The following LAMA4 variants were observed in gnomAD, a reference collection of about 807,000 sequenced individuals.
LAMA4 encodes laminin subunit alpha 4, also known as laminin subunit alpha-4.
In LAMA4, 127 loss-of-function variants were observed where a neutral mutation model predicts 207.1. That is an observed-to-expected ratio of 0.61 (90% CI 0.53 to 0.71). The LOEUF is 0.71. Among genes scored for constraint, LAMA4 ranks in the 30% least tolerant of loss-of-function variants. LAMA4 has a pLI of 0.00. For missense variants in LAMA4, 2,093 were observed against 2,246.5 expected, an observed-to-expected ratio of 0.93 and a Z score of 1.38; for synonymous variants, 761 against 816.0, an observed-to-expected ratio of 0.93 and a Z score of 1.15.
chr6:112,113,608 T>C (rs1433791867), intron 38 of LAMA4, among the ~76,000 whole-genome samples: 1 of 152,222 alleles, frequency 6.6e-6, no homozygotes, highest in African/African-American at 2.4e-5. Flanking sequence ...GGAATGTCAC[T>C]ACCAATGGAC....
Position 112,187,500 on chromosome 6 carries a change from C to T in LAMA4, c.916G>A (p.Ala306Thr), listed in dbSNP as rs782180044. 15 of 1,613,956 alleles carry T rather than the reference C, an allele frequency of 9.3e-6. No homozygotes were observed. The highest frequency in any genetic ancestry group is 7.7e-5 in the South Asian group (7 of 91,070). The change falls in exon 8 of 39, where the codon GCC becomes ACC. Residue 306 changes from alanine to threonine, a missense_variant. Ala to Thr is a moderately conservative substitution (Grantham distance 58, BLOSUM62 0). Around this residue, in one of 3 missense-constraint regions of LAMA4, gnomAD observed 1,704 missense variants for 1,788.4 expected, o/e 0.95. Coordinates refer to ENST00000230538, the MANE Select transcript of LAMA4 (RefSeq NM_001105206.3). ...ATTTCATTCACGTGCCTATGAGCGG[C>T]GGCCCCAGAGGATACGCTCAGCACC... ...SGVLSVSSGA[A>T]AHRHVNEINA...
At position 112,254,239 on chromosome 6, in the gene LAMA4, T is replaced by G; in HGVS notation, c.-89A>C. The G allele has an allele frequency of 6.5e-7, 1 of 1,535,826 alleles. No homozygotes were observed. Among genetic ancestry groups the G allele is most frequent in the South Asian group, 1.2e-5 (1 of 86,292 alleles). ...CCGCGTGGTGCGGCGGTGCCTCGCTTATTTTCCCTCCTCTCCGTGTGCAGT... is the reference window on the plus strand; with the variant it reads ...CCGCGTGGTGCGGCGGTGCCTCGCTGATTTTCCCTCCTCTCCGTGTGCAGT... On this transcript the variant is annotated 5_prime_UTR_variant, in exon 2 of 39. Coordinates refer to ENST00000230538, the MANE Select transcript of LAMA4 (RefSeq NM_001105206.3).
intron 20 of LAMA4, 145 bp from the exon 21 acceptor site, chr6:112,141,648 A>T (rs1425769472): frequency 1.4e-6 from 1 of 694,402 alleles, no homozygotes; most frequent in East Asian, 2.7e-5. Flanking sequence ...TCCTGTGAGC[A>T]GGCAGTGTCT....
intron 13 of LAMA4, among the ~76,000 whole-genome samples, chr6:112,164,696 T>C (rs1403204374): frequency 6.6e-6 from 1 of 152,206 alleles, no homozygotes; most frequent in Non-Finnish European, 1.5e-5. Context: ...TATTGGAAAT[T>C]TTCTACTTTT....
At chr6:112,211,404 C>G (rs1554356578) in intron 3 of LAMA4, among the ~76,000 whole-genome samples, 2 of 152,124 alleles carry the variant, frequency 1.3e-5, no homozygotes, top group African/African-American at 4.8e-5. Flanking sequence ...TTTAGGGTAG[C>G]TTGTTATTTT....
rs1787684454 is a variant in LAMA4, at chr6:112,254,112, C to A, written c.39G>T (p.Leu13=). The part of the protein sequence containing the change: ...LSSAWRSVLP[L]WLLWSAACSR... ...AGCAGGCAGCGCTCCAGAGGAGCCA[C>A]AGAGGCAGAACCGAGCGCCAGGCTG... The change falls in exon 2 of 39, where the codon CTG becomes CTT. Residue 13 remains leucine, a synonymous_variant. Coordinates refer to ENST00000230538, the MANE Select transcript of LAMA4 (RefSeq NM_001105206.3). 1.2e-6 allele frequency: 2 copies of A among 1,612,946 alleles called. No homozygotes were observed. The highest frequency in any genetic ancestry group is 1.3e-5 in the African/African-American group (1 of 75,070).
intron 26 of LAMA4, among the ~76,000 whole-genome samples, 191 bp downstream of exon 26, chr6:112,134,276 C>T (rs1779205733): frequency 1.3e-5 from 2 of 152,136 alleles, no homozygotes; most frequent in South Asian, 2.1e-4. Context: ...TACATCTATG[C>T]GATGCTAATT....
At chr6:112,134,668 G>A (rs1199067504) in intron 25 of LAMA4, 59 bp from the exon 26 acceptor site, 1 of 1,342,952 alleles carries the variant, frequency 7.4e-7, no homozygotes, top group South Asian at 1.2e-5. Context: ...GTTCTTTGAT[G>A]ACTTCTATAT....
At chr6:112,213,246 C>T (rs1554357368) in intron 3 of LAMA4, among the ~76,000 whole-genome samples, 1 of 152,194 alleles carries the variant, frequency 6.6e-6, no homozygotes, top group South Asian at 2.1e-4. Context: ...TGGTAACTAA[C>T]CTTAGTTAGA....
chr6:112,119,196 A>G lies in LAMA4; in HGVS notation c.4781T>C (p.Leu1594Ser), dbSNP rs782251675. Residue 1594 changes from leucine (L) to serine (S), a missense_variant, in exon 34 of 39, where the codon TTG becomes TCG. Physicochemically the swap from Leu to Ser is moderately radical, Grantham distance 145. This residue lies in a region of LAMA4 where 383 missense variants were observed against 437.8 expected (regional missense o/e 0.87). Coordinates refer to ENST00000230538, the MANE Select transcript of LAMA4 (RefSeq NM_001105206.3). ...AGCCTTTCCAGGAGCCACACCTCCC[A>G]AATAAATGGGACCCTTGATTTTCCA... ...ATWKIKGPIY[L>S]GGVAPGKAVK... 19 of 1,613,944 alleles carry G rather than the reference A, an allele frequency of 1.2e-5. No individual in the cohort carries two copies. Among genetic ancestry groups the G allele is most frequent in the Non-Finnish European group, 1.5e-5 (18 of 1,179,944 alleles).
At chr6:112,155,843 G>C in intron 14 of LAMA4, 137 bp from the exon 15 acceptor site, 1 of 1,024,370 alleles carries the variant, frequency 9.8e-7, no homozygotes, top group Non-Finnish European at 1.5e-6. Context: ...AGTGTGGCAA[G>C]GTTTTCTTGA....
intron 2 of LAMA4, chr6:112,216,685 T>C: frequency 1.8e-6 from 1 of 545,188 alleles, no homozygotes; most frequent in Admixed American, 2.9e-5. Context: ...ACATAACTTT[T>C]TCCCTCCTTT....
intron 21 of LAMA4, 88 bp downstream of exon 21, chr6:112,141,268 ATG>A (rs149046391): frequency 9.4e-3 from 8,925 of 952,784 alleles, no homozygotes; most frequent in Non-Finnish European, 0.011. Flanking sequence ...AAGACTGTGT[ATG>A]TGTGTGTGTG....
At chr6:112,125,660 T>C (rs994313511) in intron 31 of LAMA4, among the ~76,000 whole-genome samples, 3 of 152,224 alleles carry the variant, frequency 2.0e-5, no homozygotes, top group Non-Finnish European at 4.4e-5. Flanking sequence ...GTTACCTTTT[T>C]GGAAAGCAAT....
chr6:112,241,140 T>TATATATATTA (rs1554187579), intron 2 of LAMA4, among the ~76,000 whole-genome samples: 1 of 68,410 alleles, frequency 1.5e-5, no homozygotes, highest in African/African-American at 4.9e-5. Flanking sequence ...TATATAGGAA[T>TATATATATTA]ATATATATGA....
intron 18 of LAMA4, among the ~76,000 whole-genome samples, chr6:112,146,947 C>A: frequency 6.6e-6 from 1 of 152,096 alleles, no homozygotes; most frequent in East Asian, 1.9e-4. Flanking sequence ...GTTTATAAGA[C>A]AGAGTCCCCC....
rs138508073 is a variant in LAMA4 at position 112,144,747 on chromosome 6, G to T, written c.2493+47C>A. 232 of 1,604,426 alleles carry T rather than the reference G, an allele frequency of 1.4e-4. No homozygotes were observed. In the African/African-American group the frequency reaches 2.8e-3, roughly 19 times the overall value. ...GCCCAAGCAGTTGGAGCTCAGCTTC[G>T]TGTTATTATTACCGCTGACTGACTG... On this transcript the variant is annotated intron_variant, in intron 19 of 38. Coordinates refer to ENST00000230538, the MANE Select transcript of LAMA4 (RefSeq NM_001105206.3).
At position 112,128,960 on chromosome 6, in the gene LAMA4, T is replaced by C. The variant is rs782167326; in HGVS notation, c.4249A>G (p.Lys1417Glu). 2 of 1,613,416 alleles carry C rather than the reference T, an allele frequency of 1.2e-6. No homozygotes were observed. Among genetic ancestry groups the C allele is most frequent in the Non-Finnish European group, 8.5e-7 (1 of 1,179,546 alleles). ...SPLFLLHKKG[K>E]NLSKPKASQN... ...CTTGCTTTAGGCTTGGATAAATTTT[T>C]TCCTTTTTTATGGAGGAGAAACAAT... The change falls in exon 31 of 39, where the codon AAA (lysine) becomes GAA (glutamate). Residue 1417 changes from lysine to glutamate, a missense_variant. Physicochemically the swap from Lys to Glu is moderately conservative, Grantham distance 56. Around this residue, in one of 3 missense-constraint regions of LAMA4, gnomAD observed 1,704 missense variants for 1,788.4 expected, o/e 0.95. Coordinates refer to ENST00000230538, the MANE Select transcript of LAMA4 (RefSeq NM_001105206.3).
At chr6:112,206,456 A>G (rs1471009581) in intron 4 of LAMA4, among the ~76,000 whole-genome samples, 2 of 152,206 alleles carry the variant, frequency 1.3e-5, no homozygotes, top group Non-Finnish European at 2.9e-5. Flanking sequence ...GGATTTACAC[A>G]TATTCCATTA....
Sources: gnomAD v4.1 joint callset for allele counts (sites outside exome capture counted in the v4.1 genomes callset) on GRCh38, gnomAD v4.1.1 for gene constraint, gnomAD v4.1.1 regional missense constraint, MANE v1.5 for transcripts, NCBI Gene and HGNC (gene_info 2026-07-23, HGNC 2026-07-21) for gene names.